Variants in SCAPER observed in about 807,000 individuals in gnomAD.
SCAPER encodes the protein S phase cyclin A-associated protein in the endoplasmic reticulum.
Under a neutral mutation model 182.2 loss-of-function variants are expected in SCAPER, and 98 were observed. The ratio of observed to expected loss-of-function variants is 0.54; its 90% CI spans 0.46 to 0.64. The LOEUF is 0.64. SCAPER is among the 30% of genes least tolerant of loss of function. SCAPER has a pLI of 0.00. For missense variants in SCAPER, 1,432 were observed against 1,690.0 expected, an observed-to-expected ratio of 0.85 and a Z score of 2.68; for synonymous variants, 605 against 564.6, an observed-to-expected ratio of 1.07 and a Z score of -1.01.
At chr15:76,818,003 T>G (rs1019017278) in intron 5 of SCAPER, among the ~76,000 whole-genome samples, 2 of 152,158 alleles carry the variant, frequency 1.3e-5, no homozygotes, top group Admixed American at 6.5e-5. Context: ...CCAATACAAT[T>G]TTGAAGAACA....
rs1201076497 is a variant in SCAPER, at chr15:76,652,274, ATATATATAT to A, written c.2645+13370_2645+13378del. 4.4e-3 allele frequency among the ~76,000 whole-genome samples: 47 copies of A among 10,612 alleles called. 4 individuals carry two copies. Among genetic ancestry groups the A allele is most frequent in the African/African-American group, 7.8e-3 (19 of 2,448 alleles). The allele number at this position is 10,612 out of a possible 152,430, so 7.0% of individuals were successfully genotyped here. The stretch of plus-strand genomic sequence containing the variant: ...TCTCTGCTAAAAAAAAAAAAAAAAA[ATATATATAT>A]ATATATATATATATATATATATATA... On this transcript the variant is annotated intron_variant, in intron 21 of 31. Coordinates refer to ENST00000563290, the MANE Select transcript of SCAPER (RefSeq NM_020843.4).
chr15:76,369,677 G>A (rs990974238), intron 29 of SCAPER, among the ~76,000 whole-genome samples: 6 of 152,212 alleles, frequency 3.9e-5, no homozygotes, highest in Admixed American at 6.5e-5. Context: ...ACTGGATTTC[G>A]TGGGGGCAGT....
At chr15:76,864,094 C>T (rs78211127) in intron 2 of SCAPER, among the ~76,000 whole-genome samples, 1,798 of 152,260 alleles carry the variant, frequency 0.012, 23 homozygotes, top group African/African-American at 0.04. Context: ...AGTCAACTCA[C>T]AGAATGAGAT....
intron 17 of SCAPER, among the ~76,000 whole-genome samples, chr15:76,714,090 G>A (rs2059747751): frequency 6.6e-6 from 1 of 151,978 alleles, no homozygotes; most frequent in South Asian, 2.1e-4. Flanking sequence ...ACACAACATG[G>A]AGGAATCTCA....
At chr15:76,443,123 T>C (rs1456580113) in intron 25 of SCAPER, among the ~76,000 whole-genome samples, 2 of 152,158 alleles carry the variant, frequency 1.3e-5, no homozygotes, top group African/African-American at 4.8e-5. Context: ...CTCCCAGAGT[T>C]GGAAAGCCTA....
chr15:76,382,291 A>C (rs1410586096), intron 27 of SCAPER, among the ~76,000 whole-genome samples: 1 of 152,148 alleles, frequency 6.6e-6, no homozygotes, highest in Non-Finnish European at 1.5e-5. Context: ...AATTCCTAAA[A>C]TCAATAGTAA....
At chr15:76,432,832 C>G (rs977367775) in intron 26 of SCAPER, among the ~76,000 whole-genome samples, 2 of 152,308 alleles carry the variant, frequency 1.3e-5, no homozygotes, top group South Asian at 2.1e-4. Flanking sequence ...GCTCTCCTAC[C>G]TACTTTTAAT....
At chr15:76,654,001 C>T (rs1475262082) in intron 21 of SCAPER, among the ~76,000 whole-genome samples, 1 of 151,970 alleles carries the variant, frequency 6.6e-6, no homozygotes, top group Non-Finnish European at 1.5e-5. Context: ...AGAACTTAAA[C>T]AAATCAACAA....
chr15:76,647,381 G>A (rs2054633106), intron 21 of SCAPER, among the ~76,000 whole-genome samples: 1 of 152,114 alleles, frequency 6.6e-6, no homozygotes, highest in Non-Finnish European at 1.5e-5. Context: ...TTAAATATAT[G>A]ATTTTTTTTC....
chr15:76,772,074 T>A, intron 9 of SCAPER, 120 bp from the exon 10 acceptor site: 3 of 705,478 alleles, frequency 4.3e-6, no homozygotes, highest in Non-Finnish European at 4.6e-6. Flanking sequence ...CTTGACTGGA[T>A]GACAGAAAAT....
chr15:76,586,646 T>C (rs2048681632), intron 22 of SCAPER: 1 of 153,752 alleles, frequency 6.5e-6, no homozygotes, highest in South Asian at 2.1e-4. Flanking sequence ...CAGTTATCCT[T>C]GGTATCCGTT....
chr15:76,478,394 A>C (rs2050831275), intron 24 of SCAPER, among the ~76,000 whole-genome samples: 1 of 152,098 alleles, frequency 6.6e-6, no homozygotes, highest in Non-Finnish European at 1.5e-5. Context: ...TTTTAAAAAT[A>C]TATTGAGACT....
intron 17 of SCAPER, among the ~76,000 whole-genome samples, chr15:76,718,146 G>T (rs1168025861): frequency 1.3e-5 from 2 of 151,870 alleles, no homozygotes; most frequent in African/African-American, 4.8e-5. Context: ...TAAATAAATG[G>T]CAATTAAATA....
intron 24 of SCAPER, among the ~76,000 whole-genome samples, chr15:76,501,259 T>C (rs1358914085): frequency 1.3e-5 from 2 of 151,342 alleles, no homozygotes. Context: ...TCCCTGGTTC[T>C]GATAAGAGCA....
chr15:76,757,556 G>A (rs2062523656), intron 14 of SCAPER, among the ~76,000 whole-genome samples: 1 of 151,986 alleles, frequency 6.6e-6, no homozygotes, highest in African/African-American at 2.4e-5. Flanking sequence ...TACGAATAAT[G>A]TTACAGTGAA....
intron 8 of SCAPER, among the ~76,000 whole-genome samples, chr15:76,778,362 G>C (rs1015837857): frequency 6.6e-6 from 1 of 152,046 alleles, no homozygotes; most frequent in Non-Finnish European, 1.5e-5. Flanking sequence ...GATAAATTAC[G>C]TATGTATAAT....
At chr15:76,403,805 C>T (rs1429874979) in intron 27 of SCAPER, among the ~76,000 whole-genome samples, 4 of 152,084 alleles carry the variant, frequency 2.6e-5, no homozygotes, top group East Asian at 3.9e-4. Context: ...CTATTATCAA[C>T]GATTCTTACT....
intron 4 of SCAPER, among the ~76,000 whole-genome samples, chr15:76,849,309 TC>T (rs2070468238): frequency 6.6e-6 from 1 of 152,148 alleles, no homozygotes; most frequent in Admixed American, 6.5e-5. Context: ...CTTGCTACCC[TC>T]AGACTAACAA....
chr15:76,870,479 TAA>T (rs2072636296), intron 2 of SCAPER, among the ~76,000 whole-genome samples: 1 of 151,642 alleles, frequency 6.6e-6, no homozygotes, highest in South Asian at 2.1e-4. Context: ...AGCCAAGTAA[TAA>T]AAGTTATCAG....
Sources: allele counts gnomAD v4.1 joint callset (sites outside exome capture counted in the v4.1 genomes callset), GRCh38; gene constraint gnomAD v4.1.1; transcripts MANE v1.5; gene names NCBI Gene and HGNC (gene_info 2026-07-23, HGNC 2026-07-21).